The following MYCL variants were observed in gnomAD, a reference collection of about 807,000 sequenced individuals.
The protein encoded by MYCL is MYCL proto-oncogene, bHLH transcription factor.
In MYCL, 11 loss-of-function variants were observed where a neutral mutation model predicts 31.0. The ratio of observed to expected loss-of-function variants is 0.35; its 90% CI spans 0.22 to 0.59. MYCL has a LOEUF of 0.59. MYCL is among the 20% of genes least tolerant of loss of function. The probability of loss-of-function intolerance (pLI) is 0.79; values close to 1 mark genes in which losing one functional copy is unlikely to be tolerated. For missense variants in MYCL, 427 were observed against 486.1 expected, an observed-to-expected ratio of 0.88 and a Z score of 1.14; for synonymous variants, 208 against 202.4, an observed-to-expected ratio of 1.03 and a Z score of -0.23.
chr1:39,900,620 A>G, intron 1 of MYCL: 1 of 1,263,368 alleles, frequency 7.9e-7, no homozygotes, highest in Non-Finnish European at 1.0e-6. Context: ...GTGTCTCTTA[A>G]GGTACCCCCT....
In MYCL at chr1:39,897,510, T is replaced by A. The variant is rs1214849354; in HGVS notation, c.957A>T (p.Lys319Asn). ...PTLASCSKAP[K>N]VVILSKALEY... ...CCAAGGCCTTGCTTAGGATCACTAC[T>A]TTGGGGGCCTTGGAGCAGCTGGCCA... Residue 319 changes from lysine (K) to asparagine (N), a missense_variant, in exon 2 of 2, where the codon AAA (lysine) becomes AAT (asparagine). Lys to Asn is a moderately conservative substitution (Grantham distance 94). Transcript: ENST00000372816. The surrounding 1 kb of genome is among the most constrained non-coding windows in gnomAD (Gnocchi z 4.3). The A allele has an allele frequency of 1.2e-6, 2 of 1,614,194 alleles. No homozygotes were observed.
rs1644539178 is a variant in MYCL at position 39,901,447 on chromosome 1, CGGGAGGGA to C, written c.-21_-14del. On this transcript the variant is annotated 5_prime_UTR_variant, in exon 1 of 2. Transcript: ENST00000372816. The surrounding 1 kb of genome is among the most constrained non-coding windows in gnomAD (Gnocchi z 6.9). ...AGTCGTAGTCCATGTCCGCTCCCTGCGGGAGGGAAGGGGGGACGTGCTGACCGGGTGCC... is the reference window on the plus strand; with the variant it reads ...AGTCGTAGTCCATGTCCGCTCCCTGCAGGGGGGACGTGCTGACCGGGTGCC... The C allele has an allele frequency of 6.2e-7, 1 of 1,607,138 alleles. No homozygotes were observed. Among genetic ancestry groups the C allele is most frequent in the Non-Finnish European group, 8.5e-7 (1 of 1,179,084 alleles).
In MYCL at chr1:39,897,940, T is replaced by C. The variant is rs1167292305; in HGVS notation, c.527A>G (p.Glu176Gly). 1.2e-6 allele frequency: 2 copies of C among 1,613,782 alleles called. No homozygotes were observed. The change falls in exon 2 of 2, where the codon GAG becomes GGG. Residue 176 changes from glutamate (E) to glycine (G), a missense_variant. Coordinates refer to ENST00000372816, the MANE Select transcript of MYCL (RefSeq NM_001033081.3). This position sits in a 1 kb window ranked among gnomAD's most constrained non-coding sequence, Gnocchi z 4.3. The stretch of plus-strand genomic sequence containing the variant: ...CCGAATACCCAGAGACTGCCTCTTC[T>C]CTACTGTCACAACATCAATTTCTTC... ...ENEEIDVVTV[E>G]KRQSLGIRKP...
At chr1:39,899,016 T>C (rs1644509152) in intron 1 of MYCL, 1 of 985,358 alleles carries the variant, frequency 1.0e-6, no homozygotes, top group Non-Finnish European at 1.2e-6. Flanking sequence ...TTGAGCCCCT[T>C]TGTCAGGAAG....
chr1:39,898,648 ACCT>A (rs1321972240), intron 1 of MYCL: 2 of 985,092 alleles, frequency 2.0e-6, no homozygotes, highest in Non-Finnish European at 2.4e-6. Flanking sequence ...CGCCTGCCCC[ACCT>A]CCTTCCCTGG....
At chr1:39,899,780 T>C (rs1439839836) in intron 1 of MYCL, 12 of 985,342 alleles carry the variant, frequency 1.2e-5, no homozygotes, top group African/African-American at 1.7e-5. Context: ...TTCTCTCAAG[T>C]GTAGGAAAAC....
rs1346513544 is a variant in MYCL, at chr1:39,901,273, C to G, written c.162G>C (p.Pro54=). 1.2e-6 allele frequency: 2 copies of G among 1,600,832 alleles called. No homozygotes were observed. The highest frequency in any genetic ancestry group is 1.7e-6 in the Non-Finnish European group (2 of 1,174,224). ...PWGLGPGAGD[P]APGIGPPEPW... ...GCTCCGGGGGACCAATCCCGGGGGC[C>G]GGGTCCCCTGCGCCGGGACCCAAGC... Residue 54 remains proline (P), a synonymous_variant, in exon 1 of 2, where the codon CCG becomes CCC. Transcript: ENST00000372816. This position sits in a 1 kb window ranked among gnomAD's most constrained non-coding sequence, Gnocchi z 6.9.
rs1644530966 is a variant in MYCL, at chr1:39,900,959, G to A, written c.476C>T (p.Ser159Phe). 1 of 1,498,140 alleles carries A rather than the reference G, an allele frequency of 6.7e-7. No individual in the cohort carries two copies. The highest frequency in any genetic ancestry group is 1.4e-5 in the African/African-American group (1 of 70,062). The allele number at this position is 1,498,140 out of a possible 1,614,324, so 92.8% of individuals were successfully genotyped here. A position where few individuals can be genotyped will look rare whatever the true frequency, so the allele number is the denominator to read the frequency against. The change falls in exon 1 of 2, where the codon TCC becomes TTC. Residue 159 changes from serine to phenylalanine, a missense_variant. Transcript: ENST00000372816. The stretch of plus-strand genomic sequence containing the variant: ...CTTACCCGAGTCGCTTGGGCTCTCG[G>A]ACCCGGAGCAGGCCTGGGTCTTGGG... ...GEPKTQACSG[S>F]ESPSDSENEE...
At chr1:39,900,880 G>T in intron 1 of MYCL, 59 bp downstream of exon 1, 1 of 1,510,956 alleles carries the variant, frequency 6.6e-7, no homozygotes. Flanking sequence ...TCAGGCAGGG[G>T]CAGAGCTTTG....
chr1:39,899,199 G>T, intron 1 of MYCL: 2 of 502,424 alleles, frequency 4.0e-6, no homozygotes, highest in Non-Finnish European at 2.6e-6. Context: ...CCCACCCCCC[G>T]CCTCATTGTT....
intron 1 of MYCL, chr1:39,898,759 G>C: frequency 7.1e-6 from 7 of 985,524 alleles, no homozygotes; most frequent in Non-Finnish European, 8.4e-6. Context: ...CAGAGGCAGA[G>C]ACTGGGCAGC....
At position 39,897,810 on chromosome 1, in the gene MYCL, A is replaced by G; in HGVS notation, c.657T>C (p.Pro219=). ...CCTCTTCTTGGGAGCAGCTTTCTGG[A>G]GGAAAACGGGCAGCATAGTTGTGCT... is the stretch of plus-strand genomic sequence containing the variant. ...QQQHNYAARF[P]PESCSQEEAS... is the part of the protein sequence containing the mutation. The change falls in exon 2 of 2, where the codon CCT becomes CCC. Residue 219 remains proline, a synonymous_variant. Transcript: ENST00000372816. The surrounding 1 kb of genome is among the most constrained non-coding windows in gnomAD (Gnocchi z 4.3). 1.2e-6 allele frequency: 2 copies of G among 1,614,106 alleles called. No homozygotes were observed. The highest frequency in any genetic ancestry group is 1.7e-6 in the Non-Finnish European group (2 of 1,180,038).
rs60314258 is a variant in MYCL at position 39,895,648 on chromosome 1, C to T, written c.*1724G>A. ...AAAAATACAATATAAAAAAAAAAGA[C>T]TCCCCCAGCATAATAGCCAACAGCA... On this transcript the variant is annotated 3_prime_UTR_variant, in exon 2 of 2. Coordinates refer to ENST00000372816, the MANE Select transcript of MYCL (RefSeq NM_001033081.3). 3.6e-3 allele frequency: 808 copies of T among 225,942 alleles called. 6 individuals carry two copies. The highest frequency in any genetic ancestry group is 0.017 in the African/African-American group (746 of 45,014). 14.0% of individuals were successfully genotyped at this position (225,942 alleles called of 1,614,324 possible). A position where few individuals can be genotyped will look rare whatever the true frequency, so the allele number is the denominator to read the frequency against.
At chr1:39,899,416 G>C (rs1644513589) in intron 1 of MYCL, among the ~76,000 whole-genome samples, 1 of 152,208 alleles carries the variant, frequency 6.6e-6, no homozygotes, top group Admixed American at 6.5e-5. Flanking sequence ...CCCTTTCAGA[G>C]AGTAGTGTCT....
In MYCL at chr1:39,897,360, CT is replaced by C. The variant is rs1175149530; in HGVS notation, c.*11del. 8.3e-6 allele frequency: 13 copies of C among 1,565,624 alleles called. No homozygotes were observed. Among genetic ancestry groups the C allele is most frequent in the Non-Finnish European group, 1.1e-5 (13 of 1,154,526 alleles). ...GTCTTCGTAAGACAGAACTGTCAGG[CT>C]TTTTGGTCAGTTAGTAGCCAGTGAG... On this transcript the variant is annotated 3_prime_UTR_variant, in exon 2 of 2. Coordinates refer to ENST00000372816, the MANE Select transcript of MYCL (RefSeq NM_001033081.3). The surrounding 1 kb of genome is among the most constrained non-coding windows in gnomAD (Gnocchi z 4.3).
chr1:39,897,534 C>G lies in MYCL; in HGVS notation c.933G>C (p.Leu311=). 1 of 1,614,188 alleles carries G rather than the reference C, an allele frequency of 6.2e-7. No individual in the cohort carries two copies. Among genetic ancestry groups the G allele is most frequent in the Non-Finnish European group, 8.5e-7 (1 of 1,180,036 alleles). ...CTTTGGGGGCCTTGGAGCAGCTGGC[C>G]AGGGTGGGCACCTGGTCCCTCAGCG... ...FLALRDQVPT[L]ASCSKAPKVV... Residue 311 remains leucine (L), a synonymous_variant, in exon 2 of 2, where the codon CTG becomes CTC. Coordinates refer to ENST00000372816, the MANE Select transcript of MYCL (RefSeq NM_001033081.3). This position sits in a 1 kb window ranked among gnomAD's most constrained non-coding sequence, Gnocchi z 4.3.
intron 1 of MYCL, chr1:39,899,915 C>A (rs74067838): frequency 2.0e-6 from 2 of 985,422 alleles, no homozygotes; most frequent in South Asian, 9.4e-5. Flanking sequence ...TACAAAAATA[C>A]CCTCTCCAGG....
Position 39,901,054 on chromosome 1 carries a change from G to A in MYCL, c.381C>T (p.Ala127=), listed in dbSNP as rs1487981863. ...CGAGGCTGGGAGTGCAGTCCGGGGC[G>A]GCGGACGCCTTGGGCGGGTTCCCCC... The part of the protein sequence containing the change: ...APRGNPPKAS[A]APDCTPSLEA... Residue 127 remains alanine, a synonymous_variant, in exon 1 of 2, where the codon GCC becomes GCT. Coordinates refer to ENST00000372816, the MANE Select transcript of MYCL (RefSeq NM_001033081.3). This position sits in a 1 kb window ranked among gnomAD's most constrained non-coding sequence, Gnocchi z 6.9. 6 of 1,548,526 alleles carry A rather than the reference G, an allele frequency of 3.9e-6. No individual in the cohort carries two copies. In the East Asian group the frequency reaches 7.2e-5, roughly 19 times the overall value.
chr1:39,898,281 C>A (rs1644502579), intron 1 of MYCL, among the ~76,000 whole-genome samples: 1 of 152,232 alleles, frequency 6.6e-6, no homozygotes, highest in Non-Finnish European at 1.5e-5. Context: ...TCCCCTCCCC[C>A]ACGGAGGGGT....
Sources: allele counts gnomAD v4.1 joint callset (sites outside exome capture counted in the v4.1 genomes callset), GRCh38; gene constraint gnomAD v4.1.1; non-coding constraint Gnocchi (gnomAD v3.1); transcripts MANE v1.5; gene names NCBI Gene and HGNC (gene_info 2026-07-23, HGNC 2026-07-21).